The following TEAD4 variants were observed in gnomAD, a reference collection of about 807,000 sequenced individuals.
The protein encoded by TEAD4 is transcriptional enhancer factor TEF-3.
A neutral mutation model predicts 52.4 loss-of-function variants in TEAD4; 36 were observed. That is an observed-to-expected ratio of 0.69 (90% CI 0.53 to 0.91). TEAD4 has a LOEUF of 0.91. Among genes scored for constraint, TEAD4 ranks in the 40% least tolerant of loss-of-function variants. The pLI, the probability that TEAD4 is intolerant of heterozygous loss-of-function variation, is 0.00. For synonymous variants in TEAD4, 220 were observed against 231.0 expected (o/e 0.95, Z 0.43); for missense variants, 508 against 583.9 (o/e 0.87, Z 1.34).
chr12:2,996,400 TTCTC>T (rs1393354575), intron 3 of TEAD4, among the ~76,000 whole-genome samples: 14 of 151,804 alleles, frequency 9.2e-5, no homozygotes, highest in African/African-American at 2.9e-4. Context: ...CCTTTTTCTT[TTCTC>T]TCTCTCTCTT....
In TEAD4 at chr12:2,997,650, C is replaced by T. The variant is rs138447169; in HGVS notation, c.226+2658C>T. On this transcript the variant is annotated intron_variant, in intron 3 of 12. Coordinates refer to ENST00000359864, the MANE Select transcript of TEAD4 (RefSeq NM_003213.4). ...TTAGAGACAGAGGTGGGCCGGAAAACGAAAGTGTGCATGAGGCATCCAGCA... is the reference window on the plus strand; with the variant it reads ...TTAGAGACAGAGGTGGGCCGGAAAATGAAAGTGTGCATGAGGCATCCAGCA... Among the ~76,000 whole-genome samples, 601 of 152,000 alleles carry T rather than the reference C, an allele frequency of 4.0e-3. 1 individual carries two copies. The highest frequency in any genetic ancestry group is 0.014 in the African/African-American group (569 of 41,448).
At chr12:2,998,243 C>T (rs560484732) in intron 3 of TEAD4, among the ~76,000 whole-genome samples, 49 of 152,152 alleles carry the variant, frequency 3.2e-4, no homozygotes, top group East Asian at 1.9e-3. Context: ...GTTCATCTGC[C>T]GACAGACATT....
chr12:2,962,543 C>T (rs990703431), intron 2 of TEAD4, among the ~76,000 whole-genome samples: 1 of 151,718 alleles, frequency 6.6e-6, no homozygotes, highest in Non-Finnish European at 1.5e-5. Context: ...CCATGTTGGT[C>T]AGGCTGGTCT....
At chr12:3,000,080 G>C (rs1410119086) in intron 3 of TEAD4, among the ~76,000 whole-genome samples, 1 of 152,176 alleles carries the variant, frequency 6.6e-6, no homozygotes. Flanking sequence ...GGCAGGCCGG[G>C]CTGAGGCCGT....
In TEAD4 at chr12:2,967,759, GT is replaced by G. The variant is rs1339414748; in HGVS notation, c.-30+7722del. Among the ~76,000 whole-genome samples the G allele has an allele frequency of 2.0e-5, 3 of 152,262 alleles. No individual in the cohort carries two copies. In the East Asian group the frequency reaches 5.8e-4, roughly 29 times the overall value. ...TCATCCTCTCAGCCCTGTGAGAAAG[GT>G]TTGGTTTGTTTTTGTTTTGTTTTTC... On this transcript the variant is annotated intron_variant, in intron 2 of 12. Coordinates refer to ENST00000359864, the MANE Select transcript of TEAD4 (RefSeq NM_003213.4).
intron 2 of TEAD4, among the ~76,000 whole-genome samples, chr12:2,973,103 C>G (rs2098226609): frequency 6.6e-6 from 1 of 152,170 alleles, no homozygotes; most frequent in Admixed American, 6.5e-5. Context: ...AGTTACATAG[C>G]TCTTTGGGTC....
At chr12:3,009,069 G>A (rs7961627) in intron 3 of TEAD4, among the ~76,000 whole-genome samples, 30,343 of 152,172 alleles carry the variant, frequency 0.2, 6,164 homozygotes, top group African/African-American at 0.51. Flanking sequence ...GTTGAGGTCT[G>A]TTTCCTACAT....
chr12:2,975,044 CTT>C (rs376965373), intron 2 of TEAD4, among the ~76,000 whole-genome samples: 43 of 151,726 alleles, frequency 2.8e-4, no homozygotes, highest in African/African-American at 1.0e-3. Context: ...ATAATTTTTG[CTT>C]TTTGCTTTAT....
chr12:2,962,481 G>A (rs891492516), intron 2 of TEAD4, among the ~76,000 whole-genome samples: 3 of 151,448 alleles, frequency 2.0e-5, no homozygotes, highest in Middle Eastern at 3.4e-3. Context: ...AATTATAGGC[G>A]TGCGCCACCG....
chr12:3,025,007 C>T (rs1006521299), intron 10 of TEAD4, among the ~76,000 whole-genome samples: 8 of 151,098 alleles, frequency 5.3e-5, no homozygotes, highest in Admixed American at 1.3e-4. Context: ...TGTAGTGGCG[C>T]GATCTCGGCT....
chr12:3,038,898 A>G (rs1273408168), intron 11 of TEAD4, among the ~76,000 whole-genome samples: 1 of 152,086 alleles, frequency 6.6e-6, no homozygotes, highest in Non-Finnish European at 1.5e-5. Context: ...AAGGCCTCCA[A>G]CCCAAAGCAC....
chr12:2,982,830 AGGG>A (rs2098235218), intron 2 of TEAD4, among the ~76,000 whole-genome samples: 1 of 152,186 alleles, frequency 6.6e-6, no homozygotes, highest in African/African-American at 2.4e-5. Context: ...CTCGTGGGGC[AGGG>A]TCTGGCATTA....
intron 2 of TEAD4, among the ~76,000 whole-genome samples, chr12:2,985,895 C>A (rs2098238066): frequency 6.6e-6 from 1 of 151,706 alleles, no homozygotes; most frequent in Admixed American, 6.6e-5. Flanking sequence ...ACCAGCCTGG[C>A]CAACAGGGCG....
chr12:3,031,061 G>A (rs1283727235), intron 10 of TEAD4, among the ~76,000 whole-genome samples: 56 of 152,194 alleles, frequency 3.7e-4, no homozygotes, highest in Admixed American at 3.6e-3. Context: ...GGCGTGGGAG[G>A]CAGGATGCTG....
At position 3,016,319 on chromosome 12, in the gene TEAD4, C is replaced by T. The variant is rs913404718; in HGVS notation, c.355-1079C>T. Among the ~76,000 whole-genome samples, 9 of 152,322 alleles carry T rather than the reference C, an allele frequency of 5.9e-5. No individual in the cohort carries two copies. The East Asian group carries it at 1.4e-3, about 23-fold the overall frequency. On this transcript the variant is annotated intron_variant, in intron 5 of 12. Coordinates refer to ENST00000359864, the MANE Select transcript of TEAD4 (RefSeq NM_003213.4). ...CTGGGATTACAGGCATGAACCACCA[C>T]TTCCGGCCAGGTATCAAATTTCTAA...
intron 2 of TEAD4, among the ~76,000 whole-genome samples, chr12:2,979,124 C>T (rs2098232190): frequency 6.6e-6 from 1 of 152,094 alleles, no homozygotes; most frequent in Admixed American, 6.5e-5. Flanking sequence ...CATTGTTGGC[C>T]AGGCTGGTCT....
chr12:3,040,012 C>T (rs2098281714), intron 11 of TEAD4, 95 bp from the exon 12 acceptor site: 1 of 1,541,396 alleles, frequency 6.5e-7, no homozygotes, highest in East Asian at 2.3e-5. Context: ...CTTAAGGGCC[C>T]CCAGGCTTTC....
intron 5 of TEAD4, among the ~76,000 whole-genome samples, chr12:3,015,191 A>G (rs182077988): frequency 2.6e-5 from 4 of 152,220 alleles, no homozygotes; most frequent in Admixed American, 6.5e-5. Context: ...CACTACTCGG[A>G]ACAGTTCCCT....
chr12:3,020,986 C>A (rs1591592306), intron 9 of TEAD4, among the ~76,000 whole-genome samples: 3 of 152,098 alleles, frequency 2.0e-5, no homozygotes, highest in African/African-American at 7.2e-5. Context: ...TTTCCGTGTC[C>A]CAGCGCCCAG....
Sources: gnomAD v4.1 joint callset for allele counts (sites outside exome capture counted in the v4.1 genomes callset) on GRCh38, gnomAD v4.1.1 for gene constraint, MANE v1.5 for transcripts, NCBI Gene and HGNC (gene_info 2026-07-23, HGNC 2026-07-21) for gene names.